Variants in RHEB observed in about 807,000 individuals in gnomAD.
RHEB encodes GTP-binding protein Rheb.
A neutral mutation model predicts 28.8 loss-of-function variants in RHEB; 2 were observed. The observed-to-expected ratio is 0.07, with a 90% CI of 0.03 to 0.22. The LOEUF is 0.22. RHEB is among the 10% of genes least tolerant of loss of function. The probability of loss-of-function intolerance (pLI) is 1.00; values close to 1 mark genes in which losing one functional copy is unlikely to be tolerated. For missense variants in RHEB, 76 were observed against 219.9 expected, an observed-to-expected ratio of 0.35 and a Z score of 4.14; for synonymous variants, 69 against 77.3, an observed-to-expected ratio of 0.89 and a Z score of 0.56.
At chr7:151,502,425 G>A in intron 1 of RHEB, 1 of 810,402 alleles carries the variant, frequency 1.2e-6, no homozygotes, top group Non-Finnish European at 2.2e-6. Flanking sequence ...ATACAACAAA[G>A]GCTCAAACTT....
chr7:151,477,212 TA>T, intron 4 of RHEB, 120 bp downstream of exon 4: 1 of 714,244 alleles, frequency 1.4e-6, no homozygotes, highest in Non-Finnish European at 2.4e-6. Context: ...AGAAAATCAC[TA>T]AAAAACATGT....
At chr7:151,489,431 G>T (rs1455067626) in intron 2 of RHEB, among the ~76,000 whole-genome samples, 1 of 152,154 alleles carries the variant, frequency 6.6e-6, no homozygotes, top group Non-Finnish European at 1.5e-5. Flanking sequence ...ATACCCAGAG[G>T]TTACTTTCAA....
chr7:151,471,707 C>T (rs1802164670), intron 4 of RHEB, 102 bp from the exon 5 acceptor site: 2 of 734,628 alleles, frequency 2.7e-6, no homozygotes. Context: ...CACAGACTCA[C>T]CATTTTAACA....
intron 1 of RHEB, among the ~76,000 whole-genome samples, chr7:151,495,237 G>A (rs1037522997): frequency 5.3e-5 from 8 of 152,170 alleles, no homozygotes; most frequent in African/African-American, 1.9e-4. Context: ...AACTACACAG[G>A]AGTGATCCCA....
intron 1 of RHEB, among the ~76,000 whole-genome samples, chr7:151,509,835 C>A (rs1421407042): frequency 6.6e-6 from 1 of 152,174 alleles, no homozygotes; most frequent in Non-Finnish European, 1.5e-5. Flanking sequence ...TTTACTAGCA[C>A]ACAGCCACAC....
chr7:151,501,433 A>G (rs574178679), intron 1 of RHEB, among the ~76,000 whole-genome samples: 153 of 152,340 alleles, frequency 1.0e-3, no homozygotes, highest in African/African-American at 3.4e-3. Context: ...GCTAAAATAA[A>G]AAATATTGGC....
At chr7:151,467,447 C>T (rs1389067362) in intron 7 of RHEB, among the ~76,000 whole-genome samples, 3 of 152,072 alleles carry the variant, frequency 2.0e-5, no homozygotes, top group Non-Finnish European at 2.9e-5. Context: ...TTCCTTCAGG[C>T]ACCAGGAGAC....
At chr7:151,467,318 G>A in intron 7 of RHEB, 107 bp from the exon 8 acceptor site, 1 of 788,222 alleles carries the variant, frequency 1.3e-6, no homozygotes, top group South Asian at 1.5e-5. Context: ...CCTACTGGTG[G>A]AGGAGGAGGG....
chr7:151,473,124 A>G (rs1802192978), intron 4 of RHEB, among the ~76,000 whole-genome samples: 1 of 152,234 alleles, frequency 6.6e-6, no homozygotes. Flanking sequence ...CGTGCGTCTA[A>G]TGAACAGAAT....
intron 3 of RHEB, among the ~76,000 whole-genome samples, chr7:151,480,952 G>GGGA (rs1431701501): frequency 6.6e-6 from 1 of 152,108 alleles, no homozygotes. Flanking sequence ...CCAAAGTGCG[G>GGGA]GGATTACAGG....
intron 1 of RHEB, among the ~76,000 whole-genome samples, chr7:151,505,239 G>C (rs1802849430): frequency 6.6e-6 from 1 of 150,912 alleles, no homozygotes; most frequent in African/African-American, 2.4e-5. Context: ...CTGAAACACA[G>C]GAACAACAAA....
chr7:151,505,986 G>T (rs984852741), intron 1 of RHEB, among the ~76,000 whole-genome samples: 2 of 152,114 alleles, frequency 1.3e-5, no homozygotes, highest in Non-Finnish European at 2.9e-5. Flanking sequence ...GGGAGCTGGG[G>T]TAGGGCGTGA....
chr7:151,510,013 G>A (rs1348889267), intron 1 of RHEB, among the ~76,000 whole-genome samples: 3 of 152,128 alleles, frequency 2.0e-5, no homozygotes, highest in Non-Finnish European at 4.4e-5. Context: ...CTTATTTGTT[G>A]CTTAAAACCC....
rs1802631657 is a variant in RHEB at position 151,493,988 on chromosome 7, T to G, written c.53-2974A>C. On this transcript the variant is annotated intron_variant, in intron 1 of 7. Coordinates refer to ENST00000262187, the MANE Select transcript of RHEB (RefSeq NM_005614.4). ...AGAAGGGAACAAACTTCTTAAGGGC[T>G]TTTGCAAGGTACTTCTAAGGACTCC... Among the ~76,000 whole-genome samples the G allele has an allele frequency of 3.3e-5, 5 of 152,180 alleles. No individual in the cohort carries two copies. The South Asian group carries it at 1.0e-3, about 31-fold the overall frequency.
chr7:151,517,048 A>G (rs181292294), intron 1 of RHEB, among the ~76,000 whole-genome samples: 7 of 152,274 alleles, frequency 4.6e-5, no homozygotes, highest in African/African-American at 1.7e-4. Flanking sequence ...ACTACAAAAT[A>G]TCCTGGCTCA....
intron 1 of RHEB, among the ~76,000 whole-genome samples, chr7:151,493,341 T>C (rs1281911306): frequency 1.3e-5 from 2 of 152,126 alleles, no homozygotes; most frequent in Non-Finnish European, 2.9e-5. Context: ...ATATGACTCA[T>C]CTTTGTCATT....
At chr7:151,500,274 A>G (rs941378602) in intron 1 of RHEB, among the ~76,000 whole-genome samples, 2 of 152,204 alleles carry the variant, frequency 1.3e-5, no homozygotes, top group African/African-American at 4.8e-5. Flanking sequence ...CAACATAGGT[A>G]CTTATTACAA....
At chr7:151,517,272 G>A (rs559209175) in intron 1 of RHEB, among the ~76,000 whole-genome samples, 7 of 151,984 alleles carry the variant, frequency 4.6e-5, no homozygotes, top group African/African-American at 1.7e-4. Flanking sequence ...GGAGGCTGAG[G>A]CAGGAGAATC....
intron 1 of RHEB, among the ~76,000 whole-genome samples, chr7:151,514,908 G>A (rs965655422): frequency 6.6e-6 from 1 of 151,888 alleles, no homozygotes; most frequent in African/African-American, 2.4e-5. Flanking sequence ...GTGTGATGGC[G>A]CACACCTGCA....
Sources: allele counts gnomAD v4.1 joint callset (sites outside exome capture counted in the v4.1 genomes callset), GRCh38; gene constraint gnomAD v4.1.1; transcripts MANE v1.5; gene names NCBI Gene and HGNC (gene_info 2026-07-23, HGNC 2026-07-21).